CD1B: variants seen among roughly 807,000 people sequenced by gnomAD.
The protein encoded by CD1B is CD1b molecule.
In CD1B, 43 loss-of-function variants were observed where a neutral mutation model predicts 39.8. That is an observed-to-expected ratio of 1.08 (90% confidence interval 0.85 to 1.39). The LOEUF (loss-of-function observed/expected upper bound fraction) is 1.39, where lower values mean the gene tolerates loss of function less well. CD1B is among the 40% of genes most tolerant of loss of function. The probability of loss-of-function intolerance (pLI) is 0.00; values close to 1 mark genes in which losing one functional copy is unlikely to be tolerated. For missense variants in CD1B, 495 were observed against 403.8 expected (o/e 1.23, Z -1.94); for synonymous variants, 192 against 152.5 (o/e 1.26, Z -1.91).
At chr1:158,327,584 G>T (rs1411344401), downstream of CD1B, among the ~76,000 whole-genome samples, 1 of 151,638 alleles carries the variant, frequency 6.6e-6, no homozygotes, top group Admixed American at 6.6e-5. Flanking sequence ...AAATGAATTT[G>T]CAGCTAAGAG....
At chr1:158,320,692 G>A in the CD1B span, among the ~76,000 whole-genome samples, 1 of 151,576 alleles carries the variant, frequency 6.6e-6, no homozygotes, top group Non-Finnish European at 1.5e-5. Flanking sequence ...CCCCTCCATA[G>A]GTTTTTGTGT....
At chr1:158,326,139 T>A (rs1181734053), downstream of CD1B, among the ~76,000 whole-genome samples, 2 of 151,734 alleles carry the variant, frequency 1.3e-5, no homozygotes, top group Non-Finnish European at 2.9e-5. Flanking sequence ...CCCGGCTAAT[T>A]TTTTTTGTAG....
At chr1:158,314,661 T>G in the CD1B span, among the ~76,000 whole-genome samples, 3 of 152,122 alleles carry the variant, frequency 2.0e-5, no homozygotes, top group Admixed American at 2.0e-4. Flanking sequence ...ATTTTTTTAT[T>G]TTTTTATTAT....
chr1:158,303,295 G>T, the CD1B span, among the ~76,000 whole-genome samples: 1 of 152,058 alleles, frequency 6.6e-6, no homozygotes, highest in African/African-American at 2.4e-5. Flanking sequence ...ACAATTAGAG[G>T]CATCTATGAC....
the CD1B span, chr1:158,291,063 T>G: frequency 3.4e-6 from 5 of 1,483,706 alleles, no homozygotes; most frequent in Non-Finnish European, 4.6e-6. Flanking sequence ...TCACCTTCCA[T>G]TTTCTCTCCA....
chr1:158,303,222 A>G, the CD1B span, among the ~76,000 whole-genome samples: 1 of 152,258 alleles, frequency 6.6e-6, no homozygotes, highest in Non-Finnish European at 1.5e-5. Context: ...TTTTGATAAA[A>G]TTCCACATCT....
intron 1 of CD1B, 57 bp downstream of exon 1, chr1:158,331,306 G>C: frequency 1.3e-6 from 2 of 1,512,638 alleles, no homozygotes; most frequent in Middle Eastern, 1.8e-4. Context: ...AGCCCTGCTT[G>C]CTTTTTAAAA....
At chr1:158,323,712 T>A (rs1442180375), downstream of CD1B, among the ~76,000 whole-genome samples, 1 of 152,230 alleles carries the variant, frequency 6.6e-6, no homozygotes, top group African/African-American at 2.4e-5. Flanking sequence ...TAGAGGAAAC[T>A]CTAAGCCTAG....
At chr1:158,314,547 T>C in the CD1B span, among the ~76,000 whole-genome samples, 1 of 152,198 alleles carries the variant, frequency 6.6e-6, no homozygotes, top group Non-Finnish European at 1.5e-5. Flanking sequence ...CAACATGAGG[T>C]TATCTGAAAT....
chr1:158,313,840 G>T, the CD1B span, among the ~76,000 whole-genome samples: 1 of 151,982 alleles, frequency 6.6e-6, no homozygotes, highest in Non-Finnish European at 1.5e-5. Flanking sequence ...TTTCAATCTT[G>T]TTACTCATTA....
At chr1:158,321,466 T>A in the CD1B span, among the ~76,000 whole-genome samples, 1 of 152,236 alleles carries the variant, frequency 6.6e-6, no homozygotes, top group African/African-American at 2.4e-5. Flanking sequence ...ATTTAGCTAC[T>A]TTATGTTGTT....
chr1:158,304,305 G>A, the CD1B span, among the ~76,000 whole-genome samples: 1 of 152,172 alleles, frequency 6.6e-6, no homozygotes, highest in South Asian at 2.1e-4. Context: ...CCCATGCCAG[G>A]CCTGGAGGGT....
chr1:158,320,221 G>A, the CD1B span, among the ~76,000 whole-genome samples: 2 of 152,150 alleles, frequency 1.3e-5, no homozygotes, highest in Non-Finnish European at 2.9e-5. Flanking sequence ...GTTTACCTAA[G>A]CAAGCCTGGG....
chr1:158,319,936 G>C, the CD1B span, among the ~76,000 whole-genome samples: 1,751 of 152,210 alleles, frequency 0.012, 34 homozygotes, highest in African/African-American at 0.04. Context: ...AGGTGTCAGT[G>C]TGCCCCTGCT....
At chr1:158,290,390 C>T in the CD1B span, among the ~76,000 whole-genome samples, 1 of 152,100 alleles carries the variant, frequency 6.6e-6, no homozygotes, top group Non-Finnish European at 1.5e-5. Flanking sequence ...CAATCAGGGC[C>T]CAGGAAAATG....
At chr1:158,300,746 GTCTC>G in the CD1B span, among the ~76,000 whole-genome samples, 36 of 146,548 alleles carry the variant, frequency 2.5e-4, no homozygotes, top group South Asian at 3.3e-3. Flanking sequence ...GGCCTTCTTT[GTCTC>G]TCTCTCTCTC....
chr1:158,291,327 G>A, the CD1B span: 1 of 1,614,066 alleles, frequency 6.2e-7, no homozygotes, highest in Non-Finnish European at 8.5e-7. Flanking sequence ...CAGACCTAGA[G>A]TTGTTATTTC....
chr1:158,323,778 G>A (rs945343232), downstream of CD1B, among the ~76,000 whole-genome samples: 18 of 152,130 alleles, frequency 1.2e-4, no homozygotes, highest in Non-Finnish European at 2.5e-4. Context: ...TTATGTAGAA[G>A]GACGTGGTGA....
chr1:158,291,445 A>G, the CD1B span: 1 of 1,588,212 alleles, frequency 6.3e-7, no homozygotes, highest in African/African-American at 1.3e-5. Context: ...AGAATGTTCT[A>G]TTTCAGGGAA....
Sources: gnomAD v4.1 joint callset for allele counts (sites outside exome capture counted in the v4.1 genomes callset) on GRCh38, gnomAD v4.1.1 for gene constraint, MANE v1.5 for transcripts, NCBI Gene and HGNC (gene_info 2026-07-23, HGNC 2026-07-21) for gene names.